The following TNNI3K variants were observed in gnomAD, a reference collection of about 807,000 sequenced individuals.
The protein encoded by TNNI3K is TNNI3 interacting kinase.
A neutral mutation model predicts 114.5 loss-of-function variants in TNNI3K; 140 were observed. That is an observed-to-expected ratio of 1.22 (90% CI 1.07 to 1.41). The LOEUF (loss-of-function observed/expected upper bound fraction) is 1.41, where lower values mean the gene tolerates loss of function less well. Among genes scored for constraint, TNNI3K ranks in the 40% most tolerant of loss-of-function variants. The pLI is 0.00. For synonymous variants in TNNI3K, 347 were observed against 347.5 expected (o/e 1.00, Z 0.02); for missense variants, 1,125 against 1,007.6 (o/e 1.12, Z -1.58).
At chr1:74,383,209 C>G (rs1663294690) in intron 17 of TNNI3K, among the ~76,000 whole-genome samples, 1 of 151,574 alleles carries the variant, frequency 6.6e-6, no homozygotes, top group African/African-American at 2.4e-5. Flanking sequence ...AAAGTTTCTT[C>G]TTTTTTGCTT....
At chr1:74,366,503 T>C (rs1469099372) in intron 11 of TNNI3K, 1 of 151,990 alleles carries the variant, frequency 6.6e-6, no homozygotes, top group Non-Finnish European at 1.5e-5. Flanking sequence ...TTCTGGTCAG[T>C]GGATGGCTTT....
At chr1:74,518,694 T>C (rs1237865182) in intron 23 of TNNI3K, among the ~76,000 whole-genome samples, 1 of 152,150 alleles carries the variant, frequency 6.6e-6, no homozygotes, top group African/African-American at 2.4e-5. Flanking sequence ...TTTTTTAAGC[T>C]CAAAATTATT....
intron 9 of TNNI3K, among the ~76,000 whole-genome samples, chr1:74,345,292 A>G (rs1025314389): frequency 1.3e-5 from 2 of 152,116 alleles, no homozygotes; most frequent in Admixed American, 1.3e-4. Context: ...CCTACCTTGT[A>G]TTGGTGCTAC....
rs548886962 is a variant in TNNI3K at position 74,535,912 on chromosome 1, G to A, written c.2352-4322G>A. Among the ~76,000 whole-genome samples, 27 of 152,196 alleles carry A rather than the reference G, an allele frequency of 1.8e-4. 1 individual carries two copies. The South Asian group carries it at 5.2e-3, about 29-fold the overall frequency. ...TCCAACACTGTGCTAGAATCCAGCT[G>A]TATGTTCTAGCCTATTGATTTCCCC... On this transcript the variant is annotated intron_variant, in intron 23 of 24. Coordinates refer to ENST00000326637, the MANE Select transcript of TNNI3K (RefSeq NM_015978.3).
chr1:74,331,744 A>G (rs1167970084), intron 6 of TNNI3K, among the ~76,000 whole-genome samples, 196 bp downstream of exon 6: 2 of 152,142 alleles, frequency 1.3e-5, no homozygotes, highest in African/African-American at 4.8e-5. Context: ...TTTGCTGATG[A>G]TCTTATTACA....
At chr1:74,537,784 A>G (rs1260686823) in intron 23 of TNNI3K, among the ~76,000 whole-genome samples, 1 of 152,114 alleles carries the variant, frequency 6.6e-6, no homozygotes, top group Non-Finnish European at 1.5e-5. Context: ...TGGAAGAGGA[A>G]GAGGTTAGTG....
At chr1:74,313,522 G>A (rs938297619) in intron 5 of TNNI3K, among the ~76,000 whole-genome samples, 1 of 152,154 alleles carries the variant, frequency 6.6e-6, no homozygotes, top group Admixed American at 6.5e-5. Flanking sequence ...TAAACCTGGA[G>A]TCTTGGCTTT....
intron 5 of TNNI3K, among the ~76,000 whole-genome samples, chr1:74,314,045 TTATA>T (rs201922658): frequency 5.2e-3 from 33 of 6,342 alleles, no homozygotes; most frequent in Admixed American, 6.5e-3. Flanking sequence ...AGAAAGTTCA[TTATA>T]TATATATATA....
intron 23 of TNNI3K, among the ~76,000 whole-genome samples, chr1:74,501,782 C>T (rs1022184431): frequency 6.6e-6 from 1 of 151,986 alleles, no homozygotes; most frequent in Admixed American, 6.6e-5. Context: ...CCACCGCATC[C>T]GGCCAACTTG....
At chr1:74,533,590 C>A (rs985984509) in intron 23 of TNNI3K, among the ~76,000 whole-genome samples, 8 of 152,130 alleles carry the variant, frequency 5.3e-5, no homozygotes, top group Non-Finnish European at 1.0e-4. Context: ...ATAAATCATG[C>A]TGCTATAAAG....
At chr1:74,265,398 C>G (rs1655911508) in intron 4 of TNNI3K, among the ~76,000 whole-genome samples, 1 of 151,928 alleles carries the variant, frequency 6.6e-6, no homozygotes, top group Non-Finnish European at 1.5e-5. Context: ...CCTTCTTTTA[C>G]CACCACCTTA....
At chr1:74,322,755 T>G (rs1057173838) in intron 5 of TNNI3K, among the ~76,000 whole-genome samples, 12 of 152,078 alleles carry the variant, frequency 7.9e-5, no homozygotes, top group Non-Finnish European at 1.5e-4. Context: ...TGCTGGGCGA[T>G]TCTACCATCT....
chr1:74,334,099 C>T (rs1660349251), intron 6 of TNNI3K, among the ~76,000 whole-genome samples: 1 of 152,228 alleles, frequency 6.6e-6, no homozygotes, highest in Admixed American at 6.5e-5. Flanking sequence ...TTAATCCTCA[C>T]AACAACTCCA....
chr1:74,438,646 C>T (rs1461593342), intron 19 of TNNI3K, among the ~76,000 whole-genome samples: 2 of 152,078 alleles, frequency 1.3e-5, no homozygotes. Context: ...TTTTCATCTC[C>T]TAACTCTAAA....
intron 5 of TNNI3K, among the ~76,000 whole-genome samples, chr1:74,274,202 A>T (rs1216452693): frequency 6.6e-6 from 1 of 152,032 alleles, no homozygotes; most frequent in African/African-American, 2.4e-5. Context: ...AATCATAAGG[A>T]TTAGAAAATA....
chr1:74,452,510 C>T (rs1667070298), intron 20 of TNNI3K, among the ~76,000 whole-genome samples: 1 of 152,068 alleles, frequency 6.6e-6, no homozygotes, highest in Non-Finnish European at 1.5e-5. Context: ...TACAGTTTAT[C>T]TCTGAAATCC....
intron 20 of TNNI3K, among the ~76,000 whole-genome samples, chr1:74,450,345 A>T (rs528941337): frequency 6.6e-6 from 1 of 151,990 alleles, no homozygotes. Flanking sequence ...AATGAAAAGA[A>T]CTAGAAAAGC....
intron 17 of TNNI3K, chr1:74,372,092 G>GAAAAAAAAAAAAAAAAAA (rs61241236): frequency 7.4e-6 from 1 of 135,262 alleles, no homozygotes. Context: ...TAGTTTTTAA[G>GAAAAAAAAAAAAAAAAAA]AAAAAAAAAA....
intron 21 of TNNI3K, chr1:74,480,819 G>A (rs370450917): frequency 1.3e-5 from 9 of 717,582 alleles, no homozygotes; most frequent in African/African-American, 3.5e-5. Flanking sequence ...AACATCGTAA[G>A]CCCATGCAGG....
Sources: gnomAD v4.1 joint callset for allele counts (sites outside exome capture counted in the v4.1 genomes callset) on GRCh38, gnomAD v4.1.1 for gene constraint, MANE v1.5 for transcripts, NCBI Gene and HGNC (gene_info 2026-07-23, HGNC 2026-07-21) for gene names.